The following KIAA1549L variants were observed in gnomAD, a reference collection of about 807,000 sequenced individuals.
KIAA1549L encodes the protein UPF0606 protein KIAA1549L.
Under a neutral mutation model 160.7 loss-of-function variants are expected in KIAA1549L, and 88 were observed. That is an observed-to-expected ratio of 0.55 (90% CI 0.46 to 0.65). The LOEUF is 0.65. KIAA1549L is among the 30% of genes least tolerant of loss of function. The pLI, the probability that KIAA1549L is intolerant of heterozygous loss-of-function variation, is 0.00. For synonymous variants in KIAA1549L, 950 were observed against 976.7 expected (o/e 0.97, Z 0.51); for missense variants, 2,258 against 2,437.5 (o/e 0.93, Z 1.55).
At chr11:33,634,124 C>CT (rs34142378) in intron 16 of KIAA1549L, among the ~76,000 whole-genome samples, 85,174 of 151,836 alleles carry the variant, frequency 0.56, 24,363 homozygotes, top group East Asian at 0.72. Context: ...CTCACTGCAA[C>CT]TTCTGCCTCC....
intron 16 of KIAA1549L, 116 bp downstream of exon 16, chr11:33,618,778 TAA>T (rs1190600827): frequency 3.9e-5 from 40 of 1,033,732 alleles, no homozygotes; most frequent in Non-Finnish European, 2.7e-5. Context: ...TAAAAAGCAC[TAA>T]AATGTTTTCT....
At chr11:33,437,294 A>G (rs1370965643) in intron 1 of KIAA1549L, among the ~76,000 whole-genome samples, 2 of 152,188 alleles carry the variant, frequency 1.3e-5, no homozygotes, top group Non-Finnish European at 2.9e-5. Context: ...TGTGAATGGA[A>G]AAAAGGGCTT....
At chr11:33,397,708 T>TCACACA (rs1491551239) in intron 1 of KIAA1549L, among the ~76,000 whole-genome samples, 32 of 98,944 alleles carry the variant, frequency 3.2e-4, no homozygotes, top group African/African-American at 1.1e-3. Flanking sequence ...CGAGACTCCA[T>TCACACA]CTCACACACA....
chr11:33,615,556 C>T (rs1850786380), intron 15 of KIAA1549L, among the ~76,000 whole-genome samples: 1 of 152,038 alleles, frequency 6.6e-6, no homozygotes, highest in South Asian at 2.1e-4. Flanking sequence ...TAGATGCTTG[C>T]ACACCAGGCC....
At chr11:33,482,599 A>T (rs1852434782) in intron 1 of KIAA1549L, among the ~76,000 whole-genome samples, 2 of 136,850 alleles carry the variant, frequency 1.5e-5, no homozygotes, top group African/African-American at 2.8e-5. Context: ...AGACTGAGTC[A>T]CTCTGTCGCC....
At position 33,543,200 on chromosome 11, in the gene KIAA1549L, A is replaced by C; in HGVS notation, c.1637A>C (p.Lys546Thr). ...ACTAGAGACTTGCTCCTCTCAAGCAAAGTTCCTAATCTTCTTTCCACATCT... is the reference window on the plus strand; with the variant it reads ...ACTAGAGACTTGCTCCTCTCAAGCACAGTTCCTAATCTTCTTTCCACATCT... ...PATRDLLLSS[K>T]VPNLLSTSWT... Residue 546 changes from lysine (K) to threonine (T), a missense_variant, in exon 2 of 21, where the codon AAA becomes ACA. Lys to Thr is a moderately conservative substitution (Grantham distance 78). Around this residue, in one of 6 missense-constraint regions of KIAA1549L, gnomAD observed 540 missense variants for 465.7 expected, o/e 1.16. Coordinates refer to ENST00000658780, the MANE Select transcript of KIAA1549L (RefSeq NM_012194.3). The C allele has an allele frequency of 6.2e-7, 1 of 1,613,980 alleles. No individual in the cohort carries two copies. The highest frequency in any genetic ancestry group is 8.5e-7 in the Non-Finnish European group (1 of 1,179,894).
At chr11:33,504,571 G>A (rs577007691) in intron 1 of KIAA1549L, among the ~76,000 whole-genome samples, 14 of 152,034 alleles carry the variant, frequency 9.2e-5, no homozygotes, top group Non-Finnish European at 1.6e-4. Context: ...AGGCTTAAGC[G>A]ATTCTCATGC....
chr11:33,602,003 T>C (rs1185983323), intron 13 of KIAA1549L, among the ~76,000 whole-genome samples: 4 of 152,242 alleles, frequency 2.6e-5, no homozygotes, highest in Non-Finnish European at 4.4e-5. Flanking sequence ...TGAGCCAATT[T>C]CTAAACATGG....
At chr11:33,378,741 A>C (rs535839363) in intron 1 of KIAA1549L, among the ~76,000 whole-genome samples, 13 of 152,064 alleles carry the variant, frequency 8.5e-5, no homozygotes, top group African/African-American at 3.1e-4. Flanking sequence ...TCTGAGCTCC[A>C]TGGTTTTCTG....
At chr11:33,473,115 G>T (rs994399492) in intron 1 of KIAA1549L, among the ~76,000 whole-genome samples, 1 of 152,220 alleles carries the variant, frequency 6.6e-6, no homozygotes, top group Non-Finnish European at 1.5e-5. Flanking sequence ...GATGGCTGTG[G>T]CTGTAGTGTC....
At chr11:33,625,161 T>G (rs1451022634) in intron 16 of KIAA1549L, among the ~76,000 whole-genome samples, 1 of 151,852 alleles carries the variant, frequency 6.6e-6, no homozygotes, top group Non-Finnish European at 1.5e-5. Flanking sequence ...TCTATCATTG[T>G]TGGACATTTG....
intron 1 of KIAA1549L, among the ~76,000 whole-genome samples, chr11:33,505,500 A>G (rs1343381505): frequency 6.6e-6 from 1 of 152,094 alleles, no homozygotes; most frequent in Admixed American, 6.5e-5. Context: ...TTCCAAATTA[A>G]TTCTAATTGT....
intron 6 of KIAA1549L, among the ~76,000 whole-genome samples, chr11:33,552,897 A>G (rs1383447434): frequency 1.3e-5 from 2 of 152,180 alleles, no homozygotes; most frequent in Non-Finnish European, 2.9e-5. Flanking sequence ...GAGTCAATCC[A>G]CTACACCATA....
intron 1 of KIAA1549L, among the ~76,000 whole-genome samples, chr11:33,463,083 C>T (rs1467498087): frequency 6.6e-6 from 1 of 152,144 alleles, no homozygotes; most frequent in Non-Finnish European, 1.5e-5. Flanking sequence ...CCCACCTCAG[C>T]CTGCCAAAGT....
chr11:33,551,410 C>CTTGCA lies in KIAA1549L; in HGVS notation c.3721+151_3721+152insTTGCA, dbSNP rs1190060614. ...CAAAGGGTCCTGCTAATCAAATGTC[C>CTTGCA]CAGTTCCTTGCACATCAGCCTAAAC... On this transcript the variant is annotated intron_variant, in intron 5 of 20. Coordinates refer to ENST00000658780, the MANE Select transcript of KIAA1549L (RefSeq NM_012194.3). Among the ~76,000 whole-genome samples, 5 of 152,270 alleles carry CTTGCA rather than the reference C, an allele frequency of 3.3e-5. No homozygotes were observed. In the East Asian group the frequency reaches 9.6e-4, roughly 29 times the overall value.
At chr11:33,548,135 C>G (rs912875183) in intron 4 of KIAA1549L, among the ~76,000 whole-genome samples, 2 of 152,158 alleles carry the variant, frequency 1.3e-5, no homozygotes, top group African/African-American at 2.4e-5. Context: ...GTGGGTGGCT[C>G]ACACCTGTAA....
At chr11:33,477,545 C>T (rs1352138841) in intron 1 of KIAA1549L, among the ~76,000 whole-genome samples, 1 of 143,692 alleles carries the variant, frequency 7.0e-6, no homozygotes, top group Non-Finnish European at 1.5e-5. Context: ...ACACACACGA[C>T]ACTACCCCCC....
intron 1 of KIAA1549L, among the ~76,000 whole-genome samples, chr11:33,474,735 T>C (rs1385225060): frequency 1.3e-5 from 2 of 152,314 alleles, no homozygotes; most frequent in East Asian, 3.9e-4. Flanking sequence ...GAGTACTGCA[T>C]AGAAACTGGC....
chr11:33,440,191 G>A (rs547545672), intron 1 of KIAA1549L, among the ~76,000 whole-genome samples: 2 of 137,338 alleles, frequency 1.5e-5, no homozygotes, highest in East Asian at 2.1e-4. Flanking sequence ...GTGCAGTGGC[G>A]GGATCTCGGC....
Sources: gnomAD v4.1 joint callset for allele counts (sites outside exome capture counted in the v4.1 genomes callset) on GRCh38, gnomAD v4.1.1 for gene constraint, gnomAD v4.1.1 regional missense constraint, MANE v1.5 for transcripts, NCBI Gene and HGNC (gene_info 2026-07-23, HGNC 2026-07-21) for gene names.